SYN3: variants seen among roughly 807,000 people sequenced by gnomAD.
SYN3 encodes synapsin-3.
SYN3 carries 35 observed loss-of-function variants against 65.8 expected under a neutral mutation model. The ratio of observed to expected loss-of-function variants is 0.53; its 90% CI spans 0.41 to 0.70. The LOEUF (loss-of-function observed/expected upper bound fraction) is 0.70, where lower values mean the gene tolerates loss of function less well. SYN3 is among the 30% of genes least tolerant of loss of function. The pLI, the probability that SYN3 is intolerant of heterozygous loss-of-function variation, is 0.00. For synonymous variants in SYN3, 270 were observed against 292.9 expected, an observed-to-expected ratio of 0.92 and a Z score of 0.80; for missense variants, 680 against 749.0, an observed-to-expected ratio of 0.91 and a Z score of 1.08.
chr22:32,833,850 C>G (rs1601490908), intron 6 of SYN3: 2 of 501,182 alleles, frequency 4.0e-6, no homozygotes, highest in East Asian at 1.3e-4. Flanking sequence ...TAGCACTGAT[C>G]ATGCATGGAA....
intron 6 of SYN3, among the ~76,000 whole-genome samples, chr22:32,807,309 T>C (rs1022170011): frequency 1.7e-5 from 2 of 119,210 alleles, no homozygotes; most frequent in Non-Finnish European, 3.3e-5. Context: ...TATATATAAA[T>C]ATATAATATA....
intron 6 of SYN3, among the ~76,000 whole-genome samples, chr22:32,839,720 A>C (rs2047839415): frequency 6.6e-6 from 1 of 152,092 alleles, no homozygotes. Context: ...GCGACTCTTA[A>C]ATTTTGTCAT....
At chr22:32,572,889 G>T (rs925158062) in intron 7 of SYN3, among the ~76,000 whole-genome samples, 1 of 152,150 alleles carries the variant, frequency 6.6e-6, no homozygotes, top group Admixed American at 6.5e-5. Flanking sequence ...TTGCCACTGC[G>T]GGTGTTTGTT....
intron 2 of SYN3, among the ~76,000 whole-genome samples, chr22:32,988,075 G>A (rs540488772): frequency 0.058 from 8,765 of 151,924 alleles, 808 homozygotes; most frequent in African/African-American, 0.2. Context: ...TTGGGAGGCC[G>A]AGGTGGGCGG....
chr22:32,893,158 G>C (rs941359318), intron 4 of SYN3, among the ~76,000 whole-genome samples: 1 of 152,172 alleles, frequency 6.6e-6, no homozygotes, highest in African/African-American at 2.4e-5. Context: ...CCAACACTCT[G>C]ACCCTTCTTC....
intron 6 of SYN3, among the ~76,000 whole-genome samples, chr22:32,817,410 T>C (rs148714389): frequency 7.5e-4 from 114 of 152,260 alleles, no homozygotes; most frequent in African/African-American, 2.5e-3. Flanking sequence ...ACAAATGCAG[T>C]TGGTGAGACA....
chr22:32,859,468 T>C (rs2048475548), intron 6 of SYN3: 3 of 1,462,982 alleles, frequency 2.1e-6, no homozygotes, highest in Admixed American at 2.1e-5. Flanking sequence ...ATGAAATTAG[T>C]GCCTGTTTTC....
intron 6 of SYN3, among the ~76,000 whole-genome samples, chr22:32,810,686 G>C (rs2046893281): frequency 6.6e-6 from 1 of 152,212 alleles, no homozygotes; most frequent in Non-Finnish European, 1.5e-5. Context: ...CTGCAGAGAA[G>C]AGCTGTTTCA....
intron 4 of SYN3, among the ~76,000 whole-genome samples, chr22:32,902,533 A>G (rs2049789123): frequency 6.6e-6 from 1 of 152,210 alleles, no homozygotes; most frequent in Non-Finnish European, 1.5e-5. Context: ...GTTTTTTATT[A>G]GCCTATTTTT....
At chr22:32,895,775 G>T (rs1461857194) in intron 4 of SYN3, among the ~76,000 whole-genome samples, 12 of 152,176 alleles carry the variant, frequency 7.9e-5, no homozygotes, top group Admixed American at 5.2e-4. Context: ...TCTCTTAGAT[G>T]CACGGCTCTG....
intron 4 of SYN3, among the ~76,000 whole-genome samples, chr22:32,886,581 T>C (rs990144065): frequency 6.6e-6 from 1 of 152,214 alleles, no homozygotes; most frequent in African/African-American, 2.4e-5. Flanking sequence ...TGAAACGTAG[T>C]TTGATTTGCT....
At chr22:32,597,364 T>C (rs915992611) in intron 6 of SYN3, among the ~76,000 whole-genome samples, 3 of 151,924 alleles carry the variant, frequency 2.0e-5, no homozygotes, top group African/African-American at 7.3e-5. Flanking sequence ...TACAGATGCC[T>C]GCCACCATGC....
At chr22:32,701,505 T>C (rs2060810117) in intron 6 of SYN3, among the ~76,000 whole-genome samples, 1 of 152,030 alleles carries the variant, frequency 6.6e-6, no homozygotes, top group Non-Finnish European at 1.5e-5. Context: ...ACAAGGACCA[T>C]TAAAAAGCTG....
intron 4 of SYN3, among the ~76,000 whole-genome samples, chr22:32,929,965 A>T (rs1405339981): frequency 6.6e-6 from 1 of 152,110 alleles, no homozygotes; most frequent in African/African-American, 2.4e-5. Flanking sequence ...GAAGGCCTTT[A>T]AAGACTGTAA....
intron 4 of SYN3, among the ~76,000 whole-genome samples, chr22:32,873,972 C>CA (rs907231072): frequency 0.019 from 2,623 of 139,512 alleles, 71 homozygotes; most frequent in African/African-American, 0.056. Flanking sequence ...ACAAAAAATA[C>CA]AAAAAAAAAA....
At chr22:33,049,573 G>A (rs767632437) in intron 1 of SYN3, among the ~76,000 whole-genome samples, 77 of 152,182 alleles carry the variant, frequency 5.1e-4, no homozygotes, top group Admixed American at 6.5e-5. Context: ...CTGGGTGCTC[G>A]TCCAAGCTAT....
At chr22:32,658,201 A>AG (rs2060168649) in intron 6 of SYN3, among the ~76,000 whole-genome samples, 1 of 152,372 alleles carries the variant, frequency 6.6e-6, no homozygotes, top group South Asian at 2.1e-4. Flanking sequence ...GGGTGAGGGC[A>AG]GGGGGGCTGC....
At chr22:32,900,966 T>C (rs1037521084) in intron 4 of SYN3, among the ~76,000 whole-genome samples, 1 of 152,242 alleles carries the variant, frequency 6.6e-6, no homozygotes, top group African/African-American at 2.4e-5. Context: ...CAGCATCCAA[T>C]AGATGTATCT....
intron 6 of SYN3, among the ~76,000 whole-genome samples, chr22:32,662,562 C>T (rs908784864): frequency 2.6e-5 from 4 of 152,140 alleles, no homozygotes; most frequent in South Asian, 4.1e-4. Flanking sequence ...TAACTGGCTA[C>T]GGGTCTTTGG....
Sources: allele counts gnomAD v4.1 joint callset (sites outside exome capture counted in the v4.1 genomes callset), GRCh38; gene constraint gnomAD v4.1.1; transcripts MANE v1.5; gene names NCBI Gene and HGNC (gene_info 2026-07-23, HGNC 2026-07-21).